SH3GL2: variants seen among roughly 807,000 people sequenced by gnomAD.
SH3GL2 encodes endophilin-A1.
Under a neutral mutation model 46.0 loss-of-function variants are expected in SH3GL2, and 24 were observed. The observed-to-expected ratio is 0.52, with a 90% CI of 0.38 to 0.73. The LOEUF (loss-of-function observed/expected upper bound fraction) is 0.73. Among genes scored for constraint, SH3GL2 ranks in the 30% least tolerant of loss-of-function variants. The pLI is 0.00. For synonymous variants in SH3GL2, 196 were observed against 147.1 expected (o/e 1.33, Z -2.40); for missense variants, 413 against 424.2 (o/e 0.97, Z 0.23).
At chr9:17,761,251 C>G (rs1019499714) in intron 2 of SH3GL2, among the ~76,000 whole-genome samples, 186 bp from the exon 3 acceptor site, 7 of 152,166 alleles carry the variant, frequency 4.6e-5, no homozygotes, top group East Asian at 1.9e-4. Flanking sequence ...CTTTCCACAT[C>G]TTGGCAGACC....
At chr9:17,667,024 G>A (rs575610808) in intron 1 of SH3GL2, among the ~76,000 whole-genome samples, 309 of 152,242 alleles carry the variant, frequency 2.0e-3, no homozygotes, top group African/African-American at 7.2e-3. Context: ...GAGTTTTCAT[G>A]TGATAAATAC....
chr9:17,743,703 A>G (rs190001428), intron 1 of SH3GL2, among the ~76,000 whole-genome samples: 1 of 152,298 alleles, frequency 6.6e-6, no homozygotes. Flanking sequence ...ATCTCATTTG[A>G]TAGAGTGATG....
intron 1 of SH3GL2, among the ~76,000 whole-genome samples, chr9:17,740,337 C>A (rs1770152225): frequency 6.6e-6 from 1 of 151,966 alleles, no homozygotes; most frequent in Non-Finnish European, 1.5e-5. Context: ...GTGAATCCAC[C>A]CTGTCTATTA....
intron 3 of SH3GL2, among the ~76,000 whole-genome samples, chr9:17,776,714 A>G (rs1822595019): frequency 6.7e-6 from 1 of 149,564 alleles, no homozygotes; most frequent in Non-Finnish European, 1.5e-5. Context: ...TTACCTGGCC[A>G]CCACAGATGA....
chr9:17,715,387 A>C (rs978243314), intron 1 of SH3GL2, among the ~76,000 whole-genome samples: 1 of 151,516 alleles, frequency 6.6e-6, no homozygotes, highest in East Asian at 1.9e-4. Context: ...TTCAGCCATT[A>C]CTTTTTCAAA....
intron 1 of SH3GL2, among the ~76,000 whole-genome samples, chr9:17,645,795 G>C (rs998385438): frequency 6.6e-6 from 1 of 152,018 alleles, no homozygotes; most frequent in African/African-American, 2.4e-5. Flanking sequence ...CTCACTGCTT[G>C]CACTTAACAT....
intron 7 of SH3GL2, among the ~76,000 whole-genome samples, chr9:17,792,109 C>A (rs891845439): frequency 6.6e-6 from 1 of 152,242 alleles, no homozygotes; most frequent in Non-Finnish European, 1.5e-5. Flanking sequence ...CCAGATTAGA[C>A]TCTCACAGCT....
At chr9:17,714,212 C>G (rs1418522952) in intron 1 of SH3GL2, among the ~76,000 whole-genome samples, 7 of 151,574 alleles carry the variant, frequency 4.6e-5, no homozygotes. Context: ...TTTTTCCATT[C>G]TATTACCTTT....
chr9:17,751,012 T>C (rs899070182), intron 2 of SH3GL2, among the ~76,000 whole-genome samples: 2 of 152,188 alleles, frequency 1.3e-5, no homozygotes, highest in Non-Finnish European at 2.9e-5. Context: ...CCTGAACATG[T>C]CTCTTGTCCC....
intron 1 of SH3GL2, among the ~76,000 whole-genome samples, chr9:17,615,291 T>A (rs551099645): frequency 2.0e-5 from 3 of 152,374 alleles, no homozygotes; most frequent in African/African-American, 7.2e-5. Context: ...AGCCTACCTG[T>A]ATTTCCTATG....
At chr9:17,642,911 C>T (rs1057214980) in intron 1 of SH3GL2, among the ~76,000 whole-genome samples, 1 of 152,016 alleles carries the variant, frequency 6.6e-6, no homozygotes, top group African/African-American at 2.4e-5. Context: ...GTAGGATTTT[C>T]TAATTTTGTG....
chr9:17,722,905 TC>T (rs1821930146), intron 1 of SH3GL2, among the ~76,000 whole-genome samples: 1 of 152,136 alleles, frequency 6.6e-6, no homozygotes, highest in South Asian at 2.1e-4. Context: ...GTTCTTTGTG[TC>T]AGCTCATTAT....
intron 1 of SH3GL2, among the ~76,000 whole-genome samples, chr9:17,725,025 C>A (rs72614245): frequency 0.066 from 10,063 of 152,042 alleles, 457 homozygotes; most frequent in Admixed American, 0.13. Flanking sequence ...TGAGAGGGTG[C>A]AGCATGGACA....
intron 1 of SH3GL2, among the ~76,000 whole-genome samples, chr9:17,591,547 A>G (rs1391816853): frequency 6.6e-6 from 1 of 152,168 alleles, no homozygotes; most frequent in Non-Finnish European, 1.5e-5. Context: ...TCAGTAGTAG[A>G]AGGGTACATT....
intron 1 of SH3GL2, among the ~76,000 whole-genome samples, chr9:17,641,358 T>C (rs1031452046): frequency 2.0e-5 from 3 of 152,204 alleles, no homozygotes; most frequent in Admixed American, 1.3e-4. Flanking sequence ...ATTCAAATTA[T>C]AGTTTTTTTA....
intron 1 of SH3GL2, among the ~76,000 whole-genome samples, chr9:17,634,409 A>T (rs1588191688): frequency 6.6e-6 from 1 of 152,208 alleles, no homozygotes; most frequent in African/African-American, 2.4e-5. Flanking sequence ...GTCTTCTCTG[A>T]TGATGAAGTA....
intron 1 of SH3GL2, among the ~76,000 whole-genome samples, chr9:17,732,461 A>G (rs1210257704): frequency 6.6e-6 from 1 of 152,186 alleles, no homozygotes. Flanking sequence ...AGCATATATC[A>G]GGCCTACATT....
At position 17,747,208 on chromosome 9, in the gene SH3GL2, G is replaced by A. The variant is rs62549702; in HGVS notation, c.114+74G>A. 4.7e-5 allele frequency: 42 copies of A among 886,328 alleles called. No individual in the cohort carries two copies. In the African/African-American group the frequency reaches 6.1e-4, roughly 13 times the overall value. The allele number at this position is 886,328 out of a possible 1,614,324, so 54.9% of individuals were successfully genotyped here. The stretch of plus-strand genomic sequence containing the variant: ...CCATAATTAGAGGAGAAGAGAAAAC[G>A]GGAGAGGGCAACTGTTTTCCACTGG... On this transcript the variant is annotated intron_variant, in intron 2 of 8. Coordinates refer to ENST00000380607, the MANE Select transcript of SH3GL2 (RefSeq NM_003026.5).
intron 1 of SH3GL2, among the ~76,000 whole-genome samples, chr9:17,655,799 T>C (rs1820060865): frequency 6.6e-6 from 1 of 152,214 alleles, no homozygotes; most frequent in Admixed American, 6.5e-5. Flanking sequence ...CCTGTTGCTC[T>C]CTGAGGGTTA....
Sources: allele counts gnomAD v4.1 joint callset (sites outside exome capture counted in the v4.1 genomes callset), GRCh38; gene constraint gnomAD v4.1.1; transcripts MANE v1.5; gene names NCBI Gene and HGNC (gene_info 2026-07-23, HGNC 2026-07-21).